Variants in PPARGC1A observed in about 807,000 individuals in gnomAD.
PPARGC1A encodes the protein PPARG coactivator 1 alpha, also known as peroxisome proliferator-activated receptor gamma coactivator 1-alpha.
In PPARGC1A, 25 loss-of-function variants were observed where a neutral mutation model predicts 88.7. The ratio of observed to expected loss-of-function variants is 0.28; its 90% confidence interval spans 0.21 to 0.39. PPARGC1A has a LOEUF of 0.39. Among genes scored for constraint, PPARGC1A ranks in the 10% least tolerant of loss-of-function variants. PPARGC1A has a pLI of 1.00. For missense variants in PPARGC1A, 880 were observed against 968.7 expected (o/e 0.91, Z 1.22); for synonymous variants, 363 against 355.6 (o/e 1.02, Z -0.24).
chr4:24,091,358 G>T, the PPARGC1A span: 1 of 831,550 alleles, frequency 1.2e-6, no homozygotes, highest in Non-Finnish European at 1.4e-6. Flanking sequence ...AAAAGGACGT[G>T]CTTGCAGATA....
chr4:24,454,529 A>C, the PPARGC1A span, among the ~76,000 whole-genome samples: 5 of 151,932 alleles, frequency 3.3e-5, no homozygotes, highest in South Asian at 1.0e-3. Flanking sequence ...TGAGCCCAGG[A>C]GTTGCACTCC....
the PPARGC1A span, among the ~76,000 whole-genome samples, chr4:24,249,534 G>A: frequency 2.6e-5 from 4 of 152,124 alleles, no homozygotes; most frequent in Non-Finnish European, 5.9e-5. Flanking sequence ...AGGGTCTCGC[G>A]CCATGAAGAC....
chr4:23,928,991 G>A, the PPARGC1A span, among the ~76,000 whole-genome samples: 1 of 152,056 alleles, frequency 6.6e-6, no homozygotes, highest in Non-Finnish European at 1.5e-5. Context: ...GCGGTTGGGG[G>A]AGGGAGAGCA....
At chr4:23,961,022 A>C in the PPARGC1A span, among the ~76,000 whole-genome samples, 4 of 152,170 alleles carry the variant, frequency 2.6e-5, no homozygotes, top group Non-Finnish European at 5.9e-5. Flanking sequence ...TGGTAAAAGA[A>C]AAGAAGATGG....
At chr4:24,105,431 G>C in the PPARGC1A span, among the ~76,000 whole-genome samples, 1 of 152,174 alleles carries the variant, frequency 6.6e-6, no homozygotes, top group Admixed American at 6.5e-5. Context: ...AGGGCCTGAG[G>C]ACGTTAAAAG....
Position 23,814,052 on chromosome 4 carries a change from TTCG to T in PPARGC1A, c.1428_1430del (p.Asp476del). 1 of 1,614,058 alleles carries T rather than the reference TTCG, an allele frequency of 6.2e-7. No individual in the cohort carries two copies. Among genetic ancestry groups the T allele is most frequent in the South Asian group, 1.1e-5 (1 of 91,070 alleles). On this transcript the variant is annotated inframe_deletion, in exon 8 of 13. Coordinates refer to ENST00000264867, the MANE Select transcript of PPARGC1A (RefSeq NM_013261.5). ...CCCTCAGTTCACCGGTCTTGTCTGCTTCGTCGTCAAAAACAGCTTGACTGGGAT... is the reference window on the plus strand; with the variant it reads ...CCCTCAGTTCACCGGTCTTGTCTGCTTCGTCAAAAACAGCTTGACTGGGAT...
At chr4:24,458,581 A>C in the PPARGC1A span, among the ~76,000 whole-genome samples, 1 of 152,208 alleles carries the variant, frequency 6.6e-6, no homozygotes, top group Non-Finnish European at 1.5e-5. Context: ...CCTTACATGT[A>C]CCTGTCTGGA....
chr4:24,291,257 A>G, the PPARGC1A span, among the ~76,000 whole-genome samples: 1 of 150,324 alleles, frequency 6.7e-6, no homozygotes, highest in African/African-American at 2.4e-5. Context: ...CCCATTTAAC[A>G]CTCTCTCTCT....
the PPARGC1A span, among the ~76,000 whole-genome samples, chr4:24,008,769 G>C: frequency 2.6e-5 from 4 of 151,972 alleles, no homozygotes; most frequent in African/African-American, 7.2e-5. Context: ...ACAAAAGCTG[G>C]GAAAAGCACA....
the PPARGC1A span, among the ~76,000 whole-genome samples, chr4:24,210,797 G>C: frequency 6.6e-6 from 1 of 152,168 alleles, no homozygotes; most frequent in African/African-American, 2.4e-5. Context: ...TCTCCAGAAA[G>C]GTCAAAAGCA....
At chr4:24,018,498 G>A in the PPARGC1A span, among the ~76,000 whole-genome samples, 1 of 152,022 alleles carries the variant, frequency 6.6e-6, no homozygotes, top group Non-Finnish European at 1.5e-5. Context: ...GGGTGATGAG[G>A]GGGGGCAAAC....
the PPARGC1A span, among the ~76,000 whole-genome samples, chr4:24,212,349 G>A: frequency 7.9e-5 from 12 of 152,148 alleles, no homozygotes; most frequent in African/African-American, 2.4e-4. Flanking sequence ...TCATAATTAA[G>A]GGCCTGAGCT....
the PPARGC1A span, among the ~76,000 whole-genome samples, chr4:24,230,499 G>A: frequency 6.6e-6 from 1 of 152,140 alleles, no homozygotes; most frequent in Non-Finnish European, 1.5e-5. Flanking sequence ...GGTTCCTGAT[G>A]GGGCAGTGAA....
chr4:23,974,350 T>C, the PPARGC1A span, among the ~76,000 whole-genome samples: 1 of 152,210 alleles, frequency 6.6e-6, no homozygotes, highest in Non-Finnish European at 1.5e-5. Context: ...GAGTGCTTGC[T>C]ATATACCAGG....
chr4:23,986,734 A>G, the PPARGC1A span, among the ~76,000 whole-genome samples: 1 of 152,072 alleles, frequency 6.6e-6, no homozygotes, highest in Non-Finnish European at 1.5e-5. Flanking sequence ...ATCCAGCAAA[A>G]ACAAAATTCT....
At chr4:24,437,060 T>C in the PPARGC1A span, among the ~76,000 whole-genome samples, 1 of 152,090 alleles carries the variant, frequency 6.6e-6, no homozygotes, top group Admixed American at 6.5e-5. Context: ...GATGTGAAAC[T>C]CCAAACCTGA....
At chr4:24,010,562 CA>C in the PPARGC1A span, among the ~76,000 whole-genome samples, 11 of 146,436 alleles carry the variant, frequency 7.5e-5, no homozygotes, top group South Asian at 2.2e-4. Flanking sequence ...AAGGACAGAC[CA>C]AAAAAAAAAT....
chr4:24,363,321 A>G, the PPARGC1A span, among the ~76,000 whole-genome samples: 1 of 152,214 alleles, frequency 6.6e-6, no homozygotes. Flanking sequence ...CAATATAAAC[A>G]TTTGGTGCCA....
the PPARGC1A span, among the ~76,000 whole-genome samples, chr4:24,158,180 T>C: frequency 6.6e-6 from 1 of 151,780 alleles, no homozygotes; most frequent in South Asian, 2.1e-4. Context: ...CAGAATATTC[T>C]CCCTCCCCTC....
Sources: allele counts gnomAD v4.1 joint callset (sites outside exome capture counted in the v4.1 genomes callset), GRCh38; gene constraint gnomAD v4.1.1; transcripts MANE v1.5; gene names NCBI Gene and HGNC (gene_info 2026-07-23, HGNC 2026-07-21).